GRIN3A: variants seen among roughly 807,000 people sequenced by gnomAD.
The protein encoded by GRIN3A is glutamate ionotropic receptor NMDA type subunit 3A, also known as glutamate receptor ionotropic, NMDA 3A.
A neutral mutation model predicts 92.4 loss-of-function variants in GRIN3A; 47 were observed. That is an observed-to-expected ratio of 0.51 (90% CI 0.40 to 0.65). GRIN3A has a LOEUF of 0.65. GRIN3A is among the 30% of genes least tolerant of loss of function. GRIN3A has a pLI of 0.00. For synonymous variants in GRIN3A, 527 were observed against 540.6 expected, an observed-to-expected ratio of 0.97 and a Z score of 0.35; for missense variants, 1,324 against 1,393.1, an observed-to-expected ratio of 0.95 and a Z score of 0.79.
chr9:101,701,132 C>T (rs1181098846), intron 1 of GRIN3A, among the ~76,000 whole-genome samples: 1 of 152,098 alleles, frequency 6.6e-6, no homozygotes, highest in Non-Finnish European at 1.5e-5. Context: ...ATTTTTTTCA[C>T]AGGGAAATAA....
intron 1 of GRIN3A, among the ~76,000 whole-genome samples, chr9:101,699,880 A>G (rs889047278): frequency 6.6e-6 from 1 of 152,180 alleles, no homozygotes; most frequent in South Asian, 2.1e-4. Context: ...TTGCCTCTAC[A>G]TCCACAGGTA....
chr9:101,621,506 A>G (rs1828555582), intron 5 of GRIN3A, among the ~76,000 whole-genome samples: 5 of 152,162 alleles, frequency 3.3e-5, no homozygotes. Flanking sequence ...CAATGATAAC[A>G]ATATTCTCTC....
intron 3 of GRIN3A, among the ~76,000 whole-genome samples, chr9:101,646,359 A>G (rs149083868): frequency 1.3e-5 from 2 of 151,680 alleles, no homozygotes; most frequent in African/African-American, 4.8e-5. Flanking sequence ...AACAATATAC[A>G]CTGTTTACGC....
At chr9:101,673,671 C>T (rs1369144802) in intron 2 of GRIN3A, among the ~76,000 whole-genome samples, 1 of 152,086 alleles carries the variant, frequency 6.6e-6, no homozygotes, top group African/African-American at 2.4e-5. Context: ...AAATTGAATT[C>T]CATCACATTC....
At chr9:101,669,195 C>A (rs1221180715) in intron 3 of GRIN3A, among the ~76,000 whole-genome samples, 1 of 152,080 alleles carries the variant, frequency 6.6e-6, no homozygotes, top group Non-Finnish European at 1.5e-5. Context: ...GTTCTAATTG[C>A]CCTGGTCCTT....
At position 101,670,791 on chromosome 9, in the gene GRIN3A, G is replaced by C. The variant is rs1421947136; in HGVS notation, c.1621C>G (p.Gln541Glu). The stretch of plus-strand genomic sequence containing the variant: ...TTAGTCATGGGGTCTAGACAGAGTT[G>C]GCCAGCAGGGCACAAGCCTTCATCA... ...VDDEGLCPAGQLCLDPMTNDS... is the reference protein window; with the variant it reads ...VDDEGLCPAGELCLDPMTNDS... Residue 541 changes from glutamine to glutamate, a missense_variant, in exon 3 of 9, where the codon CAA (glutamine) becomes GAA (glutamate). By Grantham distance (29) the Gln-to-Glu change is conservative. Transcript: ENST00000361820. The C allele has an allele frequency of 1.9e-6, 3 of 1,613,902 alleles. No homozygotes were observed. In the South Asian group the frequency reaches 3.3e-5, roughly 18 times the overall value.
intron 1 of GRIN3A, among the ~76,000 whole-genome samples, chr9:101,697,288 G>A (rs1039062456): frequency 6.6e-6 from 1 of 152,150 alleles, no homozygotes; most frequent in African/African-American, 2.4e-5. Flanking sequence ...CATCAGTATA[G>A]TTAACTCTTT....
intron 3 of GRIN3A, among the ~76,000 whole-genome samples, chr9:101,661,114 A>G (rs1588271418): frequency 6.6e-6 from 1 of 151,956 alleles, no homozygotes; most frequent in East Asian, 2.0e-4. Context: ...TGTCTTTAAA[A>G]TGTAAAAATT....
chr9:101,706,236 C>T (rs1829815233), intron 1 of GRIN3A, among the ~76,000 whole-genome samples: 1 of 152,198 alleles, frequency 6.6e-6, no homozygotes, highest in Non-Finnish European at 1.5e-5. Context: ...AGAGGTGCCT[C>T]ATTGACAATT....
rs1055207410 is a variant in GRIN3A, at chr9:101,670,414, A to G, written c.1998T>C (p.Ile666=). Residue 666 remains isoleucine (I), a synonymous_variant, in exon 3 of 9, where the codon ATT becomes ATC. Coordinates refer to ENST00000361820, the MANE Select transcript of GRIN3A (RefSeq NM_133445.3). ...AGTGGAGTGGCCACATGAAGGCTCC[A>G]ATGGGAGCTGCTGTATCTCGGGTCC... ...LVRTRDTAAP[I]GAFMWPLHWT... is the part of the protein sequence containing the mutation. 1 of 1,614,038 alleles carries G rather than the reference A, an allele frequency of 6.2e-7. No individual in the cohort carries two copies. The highest frequency in any genetic ancestry group is 8.5e-7 in the Non-Finnish European group (1 of 1,179,956).
intron 2 of GRIN3A, among the ~76,000 whole-genome samples, chr9:101,685,135 T>G (rs978222362): frequency 4.6e-5 from 7 of 152,118 alleles, no homozygotes; most frequent in African/African-American, 1.7e-4. Context: ...TTGAAAAATT[T>G]TATTAACAAC....
At chr9:101,585,134 A>G (rs1182739645) in intron 6 of GRIN3A, among the ~76,000 whole-genome samples, 1 of 152,184 alleles carries the variant, frequency 6.6e-6, no homozygotes, top group African/African-American at 2.4e-5. Flanking sequence ...CTGTAAAAGT[A>G]AAAAATGGCC....
intron 3 of GRIN3A, among the ~76,000 whole-genome samples, chr9:101,652,081 A>G (rs1829022196): frequency 6.6e-6 from 1 of 152,142 alleles, no homozygotes; most frequent in Non-Finnish European, 1.5e-5. Flanking sequence ...CTACTGTGCT[A>G]AAAGGTTTTA....
intron 5 of GRIN3A, among the ~76,000 whole-genome samples, chr9:101,619,503 A>C (rs1343630339): frequency 6.6e-6 from 1 of 152,182 alleles, no homozygotes; most frequent in African/African-American, 2.4e-5. Flanking sequence ...CCTACAGTAC[A>C]TGCTTTATAT....
rs571977896 is a variant in GRIN3A at position 101,589,221 on chromosome 9, C to G, written c.2767-9861G>C. 1.4e-3 allele frequency among the ~76,000 whole-genome samples: 212 copies of G among 152,320 alleles called. 1 individual carries two copies. The highest frequency in any genetic ancestry group is 4.8e-3 in the African/African-American group (199 of 41,572). ...CTCCTGACCTCAAGCGATCCACCTG[C>G]CTCGGCCTCCCAAAGTGCTGGGATT... On this transcript the variant is annotated intron_variant, in intron 6 of 8. Transcript: ENST00000361820.
intron 8 of GRIN3A, among the ~76,000 whole-genome samples, 163 bp downstream of exon 8, chr9:101,577,605 G>A (rs1025727372): frequency 1.1e-4 from 17 of 152,120 alleles, no homozygotes; most frequent in African/African-American, 3.9e-4. Context: ...TGTGTACACT[G>A]CATTTTAGTG....
intron 2 of GRIN3A, among the ~76,000 whole-genome samples, chr9:101,686,069 G>C (rs974441049): frequency 6.6e-6 from 1 of 152,096 alleles, no homozygotes; most frequent in African/African-American, 2.4e-5. Context: ...CAAGGCCAGG[G>C]AGGAGGGAGA....
chr9:101,593,287 T>C (rs1364512575), intron 6 of GRIN3A: 2 of 151,932 alleles, frequency 1.3e-5, no homozygotes, highest in Non-Finnish European at 2.9e-5. Flanking sequence ...GATCTGTTAG[T>C]GTGTGAGGAC....
chr9:101,707,837 C>A (rs1829831021), intron 1 of GRIN3A, among the ~76,000 whole-genome samples: 1 of 152,120 alleles, frequency 6.6e-6, no homozygotes, highest in Non-Finnish European at 1.5e-5. Flanking sequence ...TGGGAAAGGC[C>A]ATTGCTACAA....
Sources: allele counts gnomAD v4.1 joint callset (sites outside exome capture counted in the v4.1 genomes callset), GRCh38; gene constraint gnomAD v4.1.1; transcripts MANE v1.5; gene names NCBI Gene and HGNC (gene_info 2026-07-23, HGNC 2026-07-21).